Variants in CCDC7 observed in about 807,000 individuals in gnomAD.
CCDC7 encodes the protein coiled-coil domain-containing protein 7.
A neutral mutation model predicts 196.9 loss-of-function variants in CCDC7; 183 were observed. The ratio of observed to expected loss-of-function variants is 0.93; its 90% CI spans 0.82 to 1.05. The LOEUF is 1.05. CCDC7 is among the 50% of genes least tolerant of loss of function. The probability of loss-of-function intolerance (pLI) is 0.00; values close to 1 mark genes in which losing one functional copy is unlikely to be tolerated. For synonymous variants in CCDC7, 525 were observed against 484.6 expected (o/e 1.08, Z -1.10); for missense variants, 1,540 against 1,482.2 (o/e 1.04, Z -0.64).
intron 11 of CCDC7, among the ~76,000 whole-genome samples, chr10:32,540,946 A>G (rs73253421): frequency 0.053 from 8,057 of 152,066 alleles, 711 homozygotes; most frequent in African/African-American, 0.18. Context: ...GTGTTCATCA[A>G]TGATATAGCA....
At chr10:32,700,668 T>A (rs550367099) in intron 24 of CCDC7, among the ~76,000 whole-genome samples, 1 of 152,344 alleles carries the variant, frequency 6.6e-6, no homozygotes, top group South Asian at 2.1e-4. Flanking sequence ...TTCACGATAT[T>A]GATTCTTCCT....
At chr10:32,496,148 T>A (rs2042885945) in intron 9 of CCDC7, among the ~76,000 whole-genome samples, 1 of 152,140 alleles carries the variant, frequency 6.6e-6, no homozygotes, top group Non-Finnish European at 1.5e-5. Flanking sequence ...TTATTCTTTG[T>A]AGCAGTTGTG....
intron 28 of CCDC7, among the ~76,000 whole-genome samples, chr10:32,746,586 C>T (rs1345921680): frequency 6.6e-6 from 1 of 152,172 alleles, no homozygotes. Flanking sequence ...ATCTTATCTG[C>T]ACACCTCCCT....
chr10:32,839,887 C>T (rs902752687), intron 33 of CCDC7, among the ~76,000 whole-genome samples: 1 of 151,948 alleles, frequency 6.6e-6, no homozygotes, highest in Non-Finnish European at 1.5e-5. Flanking sequence ...AATTAAATAA[C>T]CTGCTCCAGA....
At chr10:32,697,677 C>T (rs1386033744) in intron 24 of CCDC7, among the ~76,000 whole-genome samples, 2 of 152,144 alleles carry the variant, frequency 1.3e-5, no homozygotes, top group South Asian at 2.1e-4. Context: ...CTGGGAAGCT[C>T]GAACTAGGTG....
intron 11 of CCDC7, among the ~76,000 whole-genome samples, chr10:32,528,878 T>A (rs1237896807): frequency 6.6e-6 from 1 of 151,748 alleles, no homozygotes; most frequent in Non-Finnish European, 1.5e-5. Context: ...CAGTTGCAAA[T>A]TATGCTGCTA....
chr10:32,793,245 G>A (rs10827128), intron 29 of CCDC7, among the ~76,000 whole-genome samples: 20,992 of 152,096 alleles, frequency 0.14, 1,751 homozygotes, highest in East Asian at 0.25. Flanking sequence ...CATAATCAAG[G>A]CTGAACAACT....
At chr10:32,679,522 G>C (rs2075542390) in intron 21 of CCDC7, among the ~76,000 whole-genome samples, 1 of 152,218 alleles carries the variant, frequency 6.6e-6, no homozygotes, top group African/African-American at 2.4e-5. Flanking sequence ...AAGAGTGTAA[G>C]TAGTCGAATA....
In CCDC7 at chr10:32,697,283, C is replaced by G. The variant is rs182374628; in HGVS notation, c.2458+2291C>G. 3.3e-5 allele frequency among the ~76,000 whole-genome samples: 5 copies of G among 152,292 alleles called. No individual in the cohort carries two copies. The East Asian group carries it at 9.7e-4, about 29-fold the overall frequency. ...GAGCGACCCAGAAGATGAGTGATTT[C>G]TGCATTTCCAACTGAGGTACCGAGT... is the stretch of plus-strand genomic sequence containing the variant. On this transcript the variant is annotated intron_variant, in intron 24 of 41. Coordinates refer to ENST00000639629, the Ensembl canonical transcript of CCDC7.
rs147859901 is a variant in CCDC7 at position 32,718,386 on chromosome 10, G to A, written c.2569+6656G>A. Among the ~76,000 whole-genome samples the A allele has an allele frequency of 7.9e-3, 1,203 of 152,180 alleles. 7 individuals carry two copies. Among genetic ancestry groups the A allele is most frequent in the Middle Eastern group, 0.02 (6 of 294 alleles). On this transcript the variant is annotated intron_variant, in intron 25 of 41. Transcript: ENST00000639629. ...TGGGATGTATCTCAAAATAATAAGAGCTATTTATGACAAACCTACAGCCAA... is the reference window on the plus strand; with the variant it reads ...TGGGATGTATCTCAAAATAATAAGAACTATTTATGACAAACCTACAGCCAA...
At chr10:32,522,368 A>G (rs2048006434) in intron 11 of CCDC7, among the ~76,000 whole-genome samples, 2 of 152,074 alleles carry the variant, frequency 1.3e-5, no homozygotes, top group Admixed American at 1.3e-4. Flanking sequence ...TGGTCAGTTC[A>G]GGTTTTGGAT....
At chr10:32,876,992 A>G (rs1302677845), downstream of CCDC7, 1 of 152,076 alleles carries the variant, frequency 6.6e-6, no homozygotes, top group African/African-American at 2.4e-5. Context: ...ATATTCTTTT[A>G]TGCCTTAAAT....
At chr10:32,599,450 A>G (rs890386932) in intron 18 of CCDC7, among the ~76,000 whole-genome samples, 1 of 152,054 alleles carries the variant, frequency 6.6e-6, no homozygotes, top group Admixed American at 6.5e-5. Context: ...TGCTTTTGTC[A>G]TTATTATATT....
At chr10:32,538,539 A>G (rs1262539546) in intron 11 of CCDC7, among the ~76,000 whole-genome samples, 1 of 152,156 alleles carries the variant, frequency 6.6e-6, no homozygotes, top group Non-Finnish European at 1.5e-5. Flanking sequence ...AAATGGTGAG[A>G]GAGGGCATCT....
chr10:32,561,775 G>C (rs2055703196), intron 13 of CCDC7, among the ~76,000 whole-genome samples: 1 of 152,174 alleles, frequency 6.6e-6, no homozygotes, highest in South Asian at 2.1e-4. Context: ...TCAAAAGCTA[G>C]CAGAAGGCAA....
chr10:32,636,836 G>A (rs539406445), intron 20 of CCDC7, among the ~76,000 whole-genome samples: 1 of 152,246 alleles, frequency 6.6e-6, no homozygotes, highest in East Asian at 1.9e-4. Flanking sequence ...CTAGTTTACA[G>A]TCCCACCAAC....
intron 21 of CCDC7, among the ~76,000 whole-genome samples, chr10:32,685,394 G>A (rs757072699): frequency 6.6e-6 from 1 of 151,768 alleles, no homozygotes; most frequent in African/African-American, 2.4e-5. Flanking sequence ...TGTCATTCTG[G>A]TCTGTTTTGT....
intron 20 of CCDC7, among the ~76,000 whole-genome samples, chr10:32,642,358 C>G (rs1463269682): frequency 6.6e-6 from 1 of 152,210 alleles, no homozygotes; most frequent in Non-Finnish European, 1.5e-5. Context: ...GGCGGGCGCC[C>G]CTCCCCCAGC....
chr10:32,869,685 T>G (rs1242284309), intron 41 of CCDC7, among the ~76,000 whole-genome samples: 1 of 152,232 alleles, frequency 6.6e-6, no homozygotes, highest in Non-Finnish European at 1.5e-5. Context: ...TTCTAGGGTT[T>G]TTATGGGTTT....
Sources: gnomAD v4.1 joint callset for allele counts (sites outside exome capture counted in the v4.1 genomes callset) on GRCh38, gnomAD v4.1.1 for gene constraint, MANE v1.5 for transcripts, NCBI Gene and HGNC (gene_info 2026-07-23, HGNC 2026-07-21) for gene names.